The following GPHN variants were observed in gnomAD, a reference collection of about 807,000 sequenced individuals.
GPHN encodes gephyrin.
Under a neutral mutation model 95.5 loss-of-function variants are expected in GPHN, and 17 were observed. The observed-to-expected ratio is 0.18, with a 90% CI of 0.12 to 0.27. The LOEUF is 0.27. Among genes scored for constraint, GPHN ranks in the 10% least tolerant of loss-of-function variants. The probability of loss-of-function intolerance (pLI) is 1.00; values close to 1 mark genes in which losing one functional copy is unlikely to be tolerated. For synonymous variants in GPHN, 320 were observed against 322.5 expected, an observed-to-expected ratio of 0.99 and a Z score of 0.08; for missense variants, 660 against 978.1, an observed-to-expected ratio of 0.67 and a Z score of 4.34.
intron 2 of GPHN, among the ~76,000 whole-genome samples, chr14:66,774,163 C>T (rs563713468): frequency 3.0e-4 from 45 of 151,898 alleles, no homozygotes; most frequent in African/African-American, 1.0e-3. Flanking sequence ...CCACCACACC[C>T]GGCTACTTTT....
At chr14:67,321,147 G>A in the GPHN span, 1 of 1,614,182 alleles carries the variant, frequency 6.2e-7, no homozygotes, top group South Asian at 1.1e-5. Flanking sequence ...ATAGCAGCTG[G>A]AAAGTTCATT....
chr14:67,672,182 G>A, the GPHN span, among the ~76,000 whole-genome samples: 7 of 150,512 alleles, frequency 4.7e-5, no homozygotes, highest in East Asian at 1.9e-4. Flanking sequence ...GCAGTGGTGC[G>A]ATCTTGGCTC....
intron 3 of GPHN, among the ~76,000 whole-genome samples, chr14:66,799,511 T>G (rs529415812): frequency 4.5e-4 from 68 of 152,168 alleles, no homozygotes; most frequent in South Asian, 2.1e-3. Context: ...GGCATACATA[T>G]TTAAAATTTT....
intron 4 of GPHN, among the ~76,000 whole-genome samples, chr14:66,870,337 A>G (rs2063383548): frequency 6.6e-6 from 1 of 152,216 alleles, no homozygotes; most frequent in Non-Finnish European, 1.5e-5. Context: ...GTTCTAAAAC[A>G]TATAAGGTTT....
intron 2 of GPHN, among the ~76,000 whole-genome samples, chr14:66,723,986 T>TAC (rs371629259): frequency 0.2 from 25,639 of 127,758 alleles, 2,373 homozygotes; most frequent in Non-Finnish European, 0.27. Flanking sequence ...CATGCATACA[T>TAC]ACACACACAC....
chr14:67,261,090 A>G, the GPHN span, among the ~76,000 whole-genome samples: 2 of 152,202 alleles, frequency 1.3e-5, no homozygotes, highest in Non-Finnish European at 2.9e-5. Flanking sequence ...TGAGGATTAA[A>G]TGAGATAATG....
chr14:66,561,756 G>A (rs2060256938), intron 1 of GPHN, among the ~76,000 whole-genome samples: 1 of 152,092 alleles, frequency 6.6e-6, no homozygotes. Flanking sequence ...TACCATAAAT[G>A]TTGTGCCTTA....
chr14:66,841,641 A>G (rs2062092385), intron 4 of GPHN, among the ~76,000 whole-genome samples: 1 of 152,198 alleles, frequency 6.6e-6, no homozygotes, highest in Non-Finnish European at 1.5e-5. Flanking sequence ...GGAGAAGACT[A>G]TGGGAAAAGT....
intron 2 of GPHN, among the ~76,000 whole-genome samples, chr14:66,694,043 A>G (rs1189848513): frequency 6.6e-6 from 1 of 152,178 alleles, no homozygotes; most frequent in East Asian, 1.9e-4. Context: ...AAATAGACCC[A>G]TATAAATATA....
the GPHN span, among the ~76,000 whole-genome samples, chr14:67,526,475 G>A: frequency 6.6e-6 from 1 of 152,234 alleles, no homozygotes; most frequent in Non-Finnish European, 1.5e-5. Flanking sequence ...CCAGATGCAT[G>A]GAACTAAGAA....
At chr14:66,827,437 A>G (rs2061426919) in intron 4 of GPHN, among the ~76,000 whole-genome samples, 1 of 152,188 alleles carries the variant, frequency 6.6e-6, no homozygotes, top group African/African-American at 2.4e-5. Flanking sequence ...TTTTTATCTT[A>G]TACCTTAATA....
intron 19 of GPHN, among the ~76,000 whole-genome samples, chr14:67,164,528 C>G (rs2082160421): frequency 6.6e-6 from 1 of 151,846 alleles, no homozygotes; most frequent in South Asian, 2.1e-4. Flanking sequence ...GAGTCTTGCT[C>G]TGTCGCCCAG....
chr14:66,877,517 G>A (rs2063725510), intron 4 of GPHN, among the ~76,000 whole-genome samples: 2 of 152,048 alleles, frequency 1.3e-5, no homozygotes, highest in South Asian at 4.2e-4. Context: ...TCCTTAAGCT[G>A]GTAAGAAACT....
intron 1 of GPHN, among the ~76,000 whole-genome samples, chr14:66,529,658 G>A (rs950493055): frequency 3.3e-5 from 5 of 152,092 alleles, no homozygotes; most frequent in Non-Finnish European, 7.4e-5. Flanking sequence ...GTGAGTGGAC[G>A]TCCTTTTTGT....
At chr14:66,569,730 C>CAT (rs148644278) in intron 1 of GPHN, among the ~76,000 whole-genome samples, 48,102 of 150,400 alleles carry the variant, frequency 0.32, 11,188 homozygotes, top group African/African-American at 0.63. Flanking sequence ...TGTTTTGTTA[C>CAT]ATATATATAT....
chr14:67,256,797 G>GACACACACACACACACACACAC, the GPHN span, among the ~76,000 whole-genome samples: 164 of 147,774 alleles, frequency 1.1e-3, no homozygotes, highest in Non-Finnish European at 2.0e-3. Context: ...AGAAACTATT[G>GACACACACACACACACACACAC]ACACACACAC....
chr14:67,137,044 C>T (rs1468245426), intron 17 of GPHN, among the ~76,000 whole-genome samples: 1 of 152,082 alleles, frequency 6.6e-6, no homozygotes, highest in East Asian at 2.0e-4. Flanking sequence ...GTAATCCCAG[C>T]TACTTGGGTG....
intron 4 of GPHN, among the ~76,000 whole-genome samples, chr14:66,844,615 T>G (rs2062240192): frequency 6.6e-6 from 1 of 152,150 alleles, no homozygotes; most frequent in South Asian, 2.1e-4. Flanking sequence ...GGAAAAAGTA[T>G]GGATGGGTTT....
At chr14:67,177,605 A>C (rs2083069851) in intron 21 of GPHN, among the ~76,000 whole-genome samples, 1 of 152,198 alleles carries the variant, frequency 6.6e-6, no homozygotes, top group Non-Finnish European at 1.5e-5. Context: ...TGCTTGGTCC[A>C]AAGCTGAGTT....
Sources: allele counts gnomAD v4.1 joint callset (sites outside exome capture counted in the v4.1 genomes callset), GRCh38; gene constraint gnomAD v4.1.1; transcripts MANE v1.5; gene names NCBI Gene and HGNC (gene_info 2026-07-23, HGNC 2026-07-21).